Variants in MYO16 observed in about 807,000 individuals in gnomAD.
The protein encoded by MYO16 is unconventional myosin-XVI.
In MYO16, 94 loss-of-function variants were observed where a neutral mutation model predicts 205.3. The observed-to-expected ratio is 0.46, with a 90% CI of 0.39 to 0.54. The LOEUF (loss-of-function observed/expected upper bound fraction) is 0.54, where lower values mean the gene tolerates loss of function less well. MYO16 is among the 20% of genes least tolerant of loss of function. The pLI is 0.00. For synonymous variants in MYO16, 988 were observed against 954.0 expected (o/e 1.04, Z -0.66); for missense variants, 2,315 against 2,387.5 (o/e 0.97, Z 0.63).
Position 108,701,315 on chromosome 13 carries a change from C to A in MYO16, c.293-11346C>A, listed in dbSNP as rs1157007722. ...GCAAACTCATGTTAAAATTTAATTGCCATTGTAATAGTAATAAGAGGTGAT... is the reference window on the plus strand; with the variant it reads ...GCAAACTCATGTTAAAATTTAATTGACATTGTAATAGTAATAAGAGGTGAT... On this transcript the variant is annotated intron_variant, in intron 2 of 34. Coordinates refer to ENST00000457511, the MANE Select transcript of MYO16 (RefSeq NM_001198950.3). 2.0e-5 allele frequency among the ~76,000 whole-genome samples: 3 copies of A among 152,150 alleles called. 1 individual carries two copies. The highest frequency in any genetic ancestry group is 3.9e-4 in the East Asian group (2 of 5,156).
intron 32 of MYO16, among the ~76,000 whole-genome samples, chr13:109,149,383 C>T (rs1594128854): frequency 6.6e-6 from 1 of 152,234 alleles, no homozygotes; most frequent in East Asian, 1.9e-4. Context: ...GTGTTACCAT[C>T]CCTATTTATT....
intron 16 of MYO16, among the ~76,000 whole-genome samples, chr13:108,918,632 G>A (rs1003840326): frequency 1.5e-4 from 23 of 152,244 alleles, no homozygotes; most frequent in African/African-American, 5.1e-4. Flanking sequence ...AGGAGGTGAC[G>A]GCCAGCTGTG....
chr13:109,186,265 C>G (rs1879683473), intron 34 of MYO16, among the ~76,000 whole-genome samples: 1 of 152,118 alleles, frequency 6.6e-6, no homozygotes, highest in African/African-American at 2.4e-5. Context: ...ACTCATATTC[C>G]TTCAACAAGC....
chr13:108,623,043 C>T (rs1879602056), intron 1 of MYO16, among the ~76,000 whole-genome samples: 2 of 152,124 alleles, frequency 1.3e-5, no homozygotes, highest in South Asian at 4.1e-4. Flanking sequence ...CCAGGCTTAT[C>T]ACCCTGAAAT....
At chr13:108,777,047 G>A (rs1022460793) in intron 4 of MYO16, among the ~76,000 whole-genome samples, 19 of 152,122 alleles carry the variant, frequency 1.2e-4, no homozygotes, top group African/African-American at 4.6e-4. Flanking sequence ...CATGCAAAGT[G>A]CCATGAGTCT....
intron 16 of MYO16, among the ~76,000 whole-genome samples, chr13:108,933,040 G>A (rs535473643): frequency 6.6e-6 from 1 of 152,060 alleles, no homozygotes; most frequent in Non-Finnish European, 1.5e-5. Context: ...GGCATCAGGG[G>A]GAGCTACAAA....
chr13:108,774,244 A>G (rs1190382476), intron 4 of MYO16, among the ~76,000 whole-genome samples: 1 of 152,212 alleles, frequency 6.6e-6, no homozygotes, highest in Non-Finnish European at 1.5e-5. Flanking sequence ...GGAAATATAC[A>G]CCTCTTGGTT....
intron 33 of MYO16, among the ~76,000 whole-genome samples, chr13:109,176,578 A>T (rs1417580234): frequency 1.5e-5 from 1 of 65,914 alleles, no homozygotes; most frequent in Non-Finnish European, 2.9e-5. Context: ...TTGTGCTGGT[A>T]AAAAAAAAAA....
Position 108,896,562 on chromosome 13 carries a change from G to A in MYO16, c.1660-1454G>A, listed in dbSNP as rs147661288. Among the ~76,000 whole-genome samples, 355 of 152,288 alleles carry A rather than the reference G, an allele frequency of 2.3e-3. 4 individuals carry two copies. The highest frequency in any genetic ancestry group is 7.9e-3 in the African/African-American group (327 of 41,550). ...TACTTCACTATTATCACAACTTGTA[G>A]CATTTTTTAATTTGTGGTTAGCGTC... On this transcript the variant is annotated intron_variant, in intron 14 of 34. Transcript: ENST00000457511.
chr13:108,814,849 A>G (rs1226644030), intron 7 of MYO16, among the ~76,000 whole-genome samples: 1 of 152,224 alleles, frequency 6.6e-6, no homozygotes, highest in East Asian at 1.9e-4. Flanking sequence ...CATGAATGAA[A>G]AATGCCACAG....
intron 31 of MYO16, among the ~76,000 whole-genome samples, chr13:109,130,755 C>T (rs1352750569): frequency 1.3e-5 from 2 of 152,170 alleles, no homozygotes; most frequent in Non-Finnish European, 2.9e-5. Context: ...TGAAATTGAT[C>T]CTAGCATGTT....
chr13:108,582,464 G>A, the MYO16 span, among the ~76,000 whole-genome samples: 1 of 152,168 alleles, frequency 6.6e-6, no homozygotes. Context: ...AGTGGCAGGT[G>A]GCACAACCCA....
chr13:108,828,611 TGACGCAGG>T lies in MYO16; in HGVS notation c.1097+5335_1097+5342del, dbSNP rs534906740. Among the ~76,000 whole-genome samples the T allele has an allele frequency of 3.9e-5, 6 of 152,250 alleles. No individual in the cohort carries two copies. In the East Asian group the frequency reaches 1.2e-3, roughly 29 times the overall value. On this transcript the variant is annotated intron_variant, in intron 9 of 34. Coordinates refer to ENST00000457511, the MANE Select transcript of MYO16 (RefSeq NM_001198950.3). The stretch of plus-strand genomic sequence containing the variant: ...TCTGAGTTTATCCTACCAGGTGAGA[TGACGCAGG>T]GTAGGGGCCTAGTCATGCCAGAAAA...
Position 108,830,656 on chromosome 13 carries a change from T to C in MYO16, c.1097+7378T>C, listed in dbSNP as rs111945184. ...GGATAGTATTGGGAGATATACCTAA[T>C]GCTAGATGACGAGTTAGTGGGTGCA... On this transcript the variant is annotated intron_variant, in intron 9 of 34. Transcript: ENST00000457511. 6.0e-3 allele frequency among the ~76,000 whole-genome samples: 891 copies of C among 149,622 alleles called. 8 individuals carry two copies. The highest frequency in any genetic ancestry group is 0.021 in the African/African-American group (862 of 40,820).
At chr13:108,757,318 T>C (rs182016756) in intron 4 of MYO16, among the ~76,000 whole-genome samples, 8 of 152,292 alleles carry the variant, frequency 5.3e-5, no homozygotes, top group Admixed American at 4.6e-4. Context: ...GATCTTTGAG[T>C]TGTCTACGGA....
intron 25 of MYO16, among the ~76,000 whole-genome samples, chr13:109,053,871 A>G (rs1251607695): frequency 1.3e-5 from 2 of 152,092 alleles, no homozygotes; most frequent in African/African-American, 4.8e-5. Context: ...TCTTGGCCCA[A>G]TCACTTCATT....
At chr13:108,498,070 T>TAA in the MYO16 span, among the ~76,000 whole-genome samples, 1 of 152,224 alleles carries the variant, frequency 6.6e-6, no homozygotes, top group South Asian at 2.1e-4. Context: ...TTAAAACATT[T>TAA]GCATAAGTGA....
At chr13:109,101,647 G>A (rs1888971997) in intron 28 of MYO16, 2 of 152,192 alleles carry the variant, frequency 1.3e-5, no homozygotes, top group African/African-American at 4.8e-5. Flanking sequence ...GAGAAGGGCA[G>A]ATTAGAGCAA....
chr13:109,017,111 C>T (rs368718387), intron 22 of MYO16, among the ~76,000 whole-genome samples: 10 of 152,284 alleles, frequency 6.6e-5, no homozygotes, highest in South Asian at 2.1e-4. Flanking sequence ...ACTGGTTCTT[C>T]CTTTCCATGT....
Sources: gnomAD v4.1 joint callset for allele counts (sites outside exome capture counted in the v4.1 genomes callset) on GRCh38, gnomAD v4.1.1 for gene constraint, MANE v1.5 for transcripts, NCBI Gene and HGNC (gene_info 2026-07-23, HGNC 2026-07-21) for gene names.